Variants in KANSL3 observed in about 807,000 individuals in gnomAD.
KANSL3 encodes KAT8 regulatory NSL complex subunit 3.
A neutral mutation model predicts 89.2 loss-of-function variants in KANSL3; 16 were observed. The observed-to-expected ratio is 0.18, with a 90% CI of 0.12 to 0.27. The LOEUF (loss-of-function observed/expected upper bound fraction) is 0.27. Among genes scored for constraint, KANSL3 ranks in the 10% least tolerant of loss-of-function variants. The probability of loss-of-function intolerance (pLI) is 1.00; values close to 1 mark genes in which losing one functional copy is unlikely to be tolerated. For missense variants in KANSL3, 879 were observed against 1,110.6 expected, an observed-to-expected ratio of 0.79 and a Z score of 2.96; for synonymous variants, 385 against 419.7, an observed-to-expected ratio of 0.92 and a Z score of 1.01.
chr2:96,620,623 C>T (rs956963718), intron 3 of KANSL3, among the ~76,000 whole-genome samples: 3 of 152,146 alleles, frequency 2.0e-5, no homozygotes, highest in Admixed American at 6.5e-5. Flanking sequence ...CTAACTCTGG[C>T]TAGTGACCTT....
Position 96,631,341 on chromosome 2 carries a change from T to G in KANSL3, c.357A>C (p.Pro119=). Residue 119 remains proline, a synonymous_variant, in exon 3 of 21, where the codon CCA becomes CCC. Coordinates refer to ENST00000431828, the MANE Select transcript of KANSL3 (RefSeq NM_001115016.3). The part of the protein sequence containing the change: ...FARTDADAPP[P]PEDWEEHVNR... ...TGACATGCTCCTCCCAGTCCTCTGG[T>G]GGAGGAGGGGCATCTGCATCAGTCC... 1 of 1,612,798 alleles carries G rather than the reference T, an allele frequency of 6.2e-7. No homozygotes were observed. The highest frequency in any genetic ancestry group is 2.2e-5 in the East Asian group (1 of 44,870).
At chr2:96,628,029 T>A (rs1209064859) in intron 3 of KANSL3, 2 of 1,290,404 alleles carry the variant, frequency 1.5e-6, no homozygotes, top group African/African-American at 3.0e-5. Flanking sequence ...ATGGATTACA[T>A]CAATCTGTGG....
chr2:96,600,326 T>C (rs1357204503), intron 20 of KANSL3: 10 of 637,650 alleles, frequency 1.6e-5, no homozygotes. Flanking sequence ...CATGGGAAAC[T>C]TTCCCTTTCT....
At chr2:96,600,623 A>G in intron 20 of KANSL3, 1 of 985,462 alleles carries the variant, frequency 1.0e-6, no homozygotes, top group Non-Finnish European at 1.2e-6. Flanking sequence ...CCTTGGCTGT[A>G]TAGCGGATAC....
chr2:96,612,215 C>T, intron 9 of KANSL3, 67 bp downstream of exon 9: 1 of 1,102,318 alleles, frequency 9.1e-7, no homozygotes, highest in Non-Finnish European at 1.4e-6. Context: ...GTAAAGGACT[C>T]AATGGTAGCT....
At chr2:96,633,644 TTGCC>T (rs2073824775) in intron 2 of KANSL3, among the ~76,000 whole-genome samples, 2 of 150,390 alleles carry the variant, frequency 1.3e-5, no homozygotes, top group Non-Finnish European at 2.9e-5. Context: ...GGCATGCGGA[TTGCC>T]TGAGCTCAGG....
downstream of KANSL3, among the ~76,000 whole-genome samples, chr2:96,591,168 A>G (rs1168709386): frequency 6.6e-6 from 1 of 152,228 alleles, no homozygotes; most frequent in Admixed American, 6.5e-5. Context: ...CAATAAAAGG[A>G]ATGAACTACT....
chr2:96,590,235 G>A (rs964601739), downstream of KANSL3, among the ~76,000 whole-genome samples: 2 of 151,724 alleles, frequency 1.3e-5, no homozygotes, highest in African/African-American at 2.4e-5. Flanking sequence ...AATGAATCTC[G>A]CATACACTGC....
In KANSL3 at chr2:96,602,444, C is replaced by T. The variant is rs1374980270; in HGVS notation, c.2260-106G>A. ...TTAAAGGCTAACATGTATTGAGTGC[C>T]TACTACATGCAAGGTACTCTTCCAG... On this transcript the variant is annotated intron_variant, in intron 18 of 20. Transcript: ENST00000431828. 4 of 797,996 alleles carry T rather than the reference C, an allele frequency of 5.0e-6. No homozygotes were observed. In the African/African-American group the frequency reaches 5.2e-5, roughly 10 times the overall value. The allele number at this position is 797,996 out of a possible 1,614,324, so 49.4% of individuals were successfully genotyped here.
In KANSL3 at chr2:96,593,527, T is replaced by C. The variant is rs1198387585; in HGVS notation, c.*2084A>G. ...GTGACTCTAGGCCTCAGCCACTTCC[T>C]CTGTTACCCTGTGCAAGTTGTAGAA... On this transcript the variant is annotated 3_prime_UTR_variant, in exon 21 of 21. Transcript: ENST00000431828. 2.8e-6 allele frequency: 1 copy of C among 352,142 alleles called. No homozygotes were observed. Among genetic ancestry groups the C allele is most frequent in the African/African-American group, 2.1e-5 (1 of 46,666 alleles). The allele number at this position is 352,142 out of a possible 1,614,324, so 21.8% of individuals were successfully genotyped here.
intron 14 of KANSL3, chr2:96,607,000 G>A (rs1289844312): frequency 2.3e-6 from 3 of 1,289,500 alleles, no homozygotes; most frequent in Non-Finnish European, 3.0e-6. Flanking sequence ...CCAGGAGGAA[G>A]AGCTTTCCTC....
At chr2:96,596,033 G>GA (rs1558642496) in intron 20 of KANSL3, among the ~76,000 whole-genome samples, 1 of 152,290 alleles carries the variant, frequency 6.6e-6, no homozygotes, top group African/African-American at 2.4e-5. Context: ...AAGGAATGCA[G>GA]AAAAAAGGAA....
Position 96,612,862 on chromosome 2 carries a change from G to A in KANSL3, c.868C>T (p.Arg290Cys), listed in dbSNP as rs370690563. ...TGAGATTGCCAGAAGCGGTGGCGGC[G>A]TGAAGTGGGAAACACAGAGCTGGAG... ...GPSSSVFPTSRRHRFWQSQLS... is the reference protein window; with the variant it reads ...GPSSSVFPTSCRHRFWQSQLS... The change falls in exon 7 of 21, where the codon CGC (arginine) becomes TGC (cysteine). Residue 290 changes from arginine (R) to cysteine (C), a missense_variant. Physicochemically the swap from Arg to Cys is radical, Grantham distance 180. Around this residue, in one of 6 missense-constraint regions of KANSL3, gnomAD observed 198 missense variants for 260.3 expected, o/e 0.76. Coordinates refer to ENST00000431828, the MANE Select transcript of KANSL3 (RefSeq NM_001115016.3). The A allele has an allele frequency of 1.3e-5, 21 of 1,571,882 alleles. No homozygotes were observed. Among genetic ancestry groups the A allele is most frequent in the Non-Finnish European group, 1.7e-5 (20 of 1,158,888 alleles).
chr2:96,609,405 T>C (rs2068515506), intron 12 of KANSL3, 94 bp downstream of exon 12: 1 of 1,137,654 alleles, frequency 8.8e-7, no homozygotes, highest in Non-Finnish European at 1.3e-6. Flanking sequence ...AGTGGAGGCC[T>C]TAGAGCCAAA....
chr2:96,636,439 G>A (rs766748526), intron 2 of KANSL3, among the ~76,000 whole-genome samples: 6 of 152,146 alleles, frequency 3.9e-5, no homozygotes, highest in Non-Finnish European at 8.8e-5. Context: ...CTGTAACAAG[G>A]GAAGAGAAAA....
intron 3 of KANSL3, among the ~76,000 whole-genome samples, chr2:96,626,096 TCTATTCAAAG>T (rs1156319999): frequency 6.6e-6 from 1 of 152,240 alleles, no homozygotes; most frequent in Non-Finnish European, 1.5e-5. Context: ...TCTGGCTCAT[TCTATTCAAAG>T]CAGCCAAAAT....
In KANSL3 at chr2:96,601,625, C is replaced by G. The variant is rs1225252595; in HGVS notation, c.2616+18G>C. 2 of 1,611,988 alleles carry G rather than the reference C, an allele frequency of 1.2e-6. No individual in the cohort carries two copies. Among genetic ancestry groups the G allele is most frequent in the African/African-American group, 2.7e-5 (2 of 74,950 alleles). On this transcript the variant is annotated intron_variant, in intron 20 of 20. Coordinates refer to ENST00000431828, the MANE Select transcript of KANSL3 (RefSeq NM_001115016.3). ...CAATAATGAAGCCCATGTCCTCAGTCCTTCCTGGCAGACTCACCTGTGAGC... is the reference window on the plus strand; with the variant it reads ...CAATAATGAAGCCCATGTCCTCAGTGCTTCCTGGCAGACTCACCTGTGAGC...
chr2:96,610,748 C>G lies in KANSL3; in HGVS notation c.1297G>C (p.Gly433Arg). The change falls in exon 11 of 21, where the codon GGG becomes CGG. Residue 433 changes from glycine (G) to arginine (R), a missense_variant. Physicochemically the swap from Gly to Arg is moderately radical, Grantham distance 125 (BLOSUM62 -2). This residue lies in a region of KANSL3 where 198 missense variants were observed against 260.3 expected (regional missense o/e 0.76). Coordinates refer to ENST00000431828, the MANE Select transcript of KANSL3 (RefSeq NM_001115016.3). ...IRAENSLVVV[G>R]GADDNLRISK... The stretch of plus-strand genomic sequence containing the variant: ...CACCTGAGATTGTCATCAGCTCCCC[C>G]AACCACCACCAAGCTGTTCTCAGCT... 1.2e-6 allele frequency: 2 copies of G among 1,613,996 alleles called. No homozygotes were observed. Among genetic ancestry groups the G allele is most frequent in the Non-Finnish European group, 1.7e-6 (2 of 1,179,880 alleles).
At chr2:96,633,607 G>A (rs945026117) in intron 2 of KANSL3, among the ~76,000 whole-genome samples, 2 of 149,194 alleles carry the variant, frequency 1.3e-5, no homozygotes, top group Admixed American at 6.7e-5. Context: ...GGCTCATGCC[G>A]GTAATCCCAG....
Sources: allele counts gnomAD v4.1 joint callset (sites outside exome capture counted in the v4.1 genomes callset), GRCh38; gene constraint gnomAD v4.1.1; regional missense constraint gnomAD v4.1.1; transcripts MANE v1.5; gene names NCBI Gene and HGNC (gene_info 2026-07-23, HGNC 2026-07-21).